Variants in CUX1 observed in about 807,000 individuals in gnomAD.
CUX1 encodes cut like homeobox 1.
Under a neutral mutation model 158.8 loss-of-function variants are expected in CUX1, and 31 were observed. That is an observed-to-expected ratio of 0.20 (90% CI 0.15 to 0.26). CUX1 has a LOEUF of 0.26. CUX1 is among the 10% of genes least tolerant of loss of function. CUX1 has a pLI of 1.00. For missense variants in CUX1, 1,589 were observed against 2,014.6 expected (o/e 0.79, Z 4.04); for synonymous variants, 879 against 862.1 (o/e 1.02, Z -0.34).
chr7:102,263,521 G>A (rs1190062838), intron 14 of CUX1, among the ~76,000 whole-genome samples: 1 of 151,738 alleles, frequency 6.6e-6, no homozygotes, highest in Non-Finnish European at 1.5e-5. Context: ...TCATCATGTT[G>A]TCCATTCTGG....
chr7:102,067,838 G>A (rs575422028), intron 3 of CUX1, among the ~76,000 whole-genome samples: 9 of 127,144 alleles, frequency 7.1e-5, no homozygotes, highest in African/African-American at 1.9e-4. Flanking sequence ...CCAACATGAC[G>A]AAACCCCGTC....
intron 3 of CUX1, among the ~76,000 whole-genome samples, chr7:102,066,588 A>G (rs1164393423): frequency 6.6e-6 from 1 of 152,162 alleles, no homozygotes; most frequent in East Asian, 1.9e-4. Flanking sequence ...CTGAGTCGGA[A>G]TACCTCGGAA....
chr7:102,276,360 G>A (rs1294328728), intron 17 of CUX1, among the ~76,000 whole-genome samples: 1 of 152,178 alleles, frequency 6.6e-6, no homozygotes, highest in African/African-American at 2.4e-5. Flanking sequence ...GGAGTGCAGT[G>A]GCACAATCCT....
intron 1 of CUX1, among the ~76,000 whole-genome samples, chr7:101,823,751 T>G (rs578029676): frequency 6.6e-6 from 1 of 152,324 alleles, no homozygotes; most frequent in South Asian, 2.1e-4. Flanking sequence ...TGTTCCGAGT[T>G]TGGTTAAGGG....
chr7:102,283,152 C>G (rs1252765783), exon 23 of CUX1: 4 of 1,349,094 alleles, frequency 3.0e-6, no homozygotes, highest in Middle Eastern at 1.8e-4. Flanking sequence ...CTCAGTGCAT[C>G]TAATCACTTA....
chr7:102,206,742 C>T (rs911830432), intron 20 of CUX1, among the ~76,000 whole-genome samples: 1 of 152,164 alleles, frequency 6.6e-6, no homozygotes, highest in East Asian at 1.9e-4. Context: ...ACTAAAGATA[C>T]AAAAAAATTA....
intron 2 of CUX1, among the ~76,000 whole-genome samples, chr7:101,958,087 A>G (rs188366863): frequency 4.6e-5 from 7 of 152,282 alleles, no homozygotes; most frequent in Non-Finnish European, 7.4e-5. Context: ...TTTCTGGAAT[A>G]CTTGCTGTTA....
rs1213243274 is a variant in CUX1 at position 102,249,202 on chromosome 7, C to G, written c.*160C>G. The stretch of plus-strand genomic sequence containing the variant: ...CGCAGCCCAGACCCCCTCCACGGTC[C>G]GCGGCCTGCACCGACCCGAGGCCCA... On this transcript the variant is annotated 3_prime_UTR_variant, in exon 24 of 24. Coordinates refer to ENST00000292535, the MANE Select transcript of CUX1 (RefSeq NM_181552.4). The G allele has an allele frequency of 1.8e-6, 2 of 1,119,954 alleles. No homozygotes were observed. The highest frequency in any genetic ancestry group is 2.2e-6 in the Non-Finnish European group (2 of 915,498). The allele number at this position is 1,119,954 out of a possible 1,614,324, so 69.4% of individuals were successfully genotyped here.
intron 1 of CUX1, among the ~76,000 whole-genome samples, chr7:101,820,739 A>C (rs1792374701): frequency 6.6e-6 from 1 of 152,224 alleles, no homozygotes; most frequent in Admixed American, 6.5e-5. Flanking sequence ...TAACATATTT[A>C]AAATGTTCAC....
chr7:102,266,954 G>T (rs1790853210), intron 14 of CUX1, among the ~76,000 whole-genome samples: 1 of 152,172 alleles, frequency 6.6e-6, no homozygotes, highest in Non-Finnish European at 1.5e-5. Context: ...GTACATGCCT[G>T]CTAGGAGAAC....
intron 20 of CUX1, among the ~76,000 whole-genome samples, chr7:102,220,962 C>T (rs782569552): frequency 5.9e-5 from 9 of 152,264 alleles, no homozygotes; most frequent in Non-Finnish European, 1.2e-4. Flanking sequence ...CTGCCCACCT[C>T]GGCCTCCCAA....
intron 20 of CUX1, among the ~76,000 whole-genome samples, chr7:102,209,344 T>G (rs751792228): frequency 2.0e-5 from 3 of 152,244 alleles, no homozygotes; most frequent in Non-Finnish European, 4.4e-5. Context: ...GGTGACGGGC[T>G]TGGGCATTAA....
At position 102,248,609 on chromosome 7, in the gene CUX1, A is replaced by C. The variant is rs1554537926; in HGVS notation, c.4085A>C (p.Glu1362Ala). 6.9e-7 allele frequency: 1 copy of C among 1,448,062 alleles called. No homozygotes were observed. The highest frequency in any genetic ancestry group is 9.0e-7 in the Non-Finnish European group (1 of 1,105,342). 89.7% of individuals were successfully genotyped at this position (1,448,062 alleles called of 1,614,324 possible). A position where few individuals can be genotyped will look rare whatever the true frequency, so the allele number is the denominator to read the frequency against. Residue 1362 changes from glutamate (E) to alanine (A), a missense_variant, in exon 24 of 24, where the codon GAG (glutamate) becomes GCG (alanine). Glu to Ala is a moderately radical substitution (Grantham distance 107, BLOSUM62 -1). Around this residue, in one of 8 missense-constraint regions of CUX1, gnomAD observed 344 missense variants for 323.7 expected, o/e 1.06. Coordinates refer to ENST00000292535, the MANE Select transcript of CUX1 (RefSeq NM_181552.4). This position sits in a 1 kb window ranked among gnomAD's most constrained non-coding sequence, Gnocchi z 5.8. ...GAGCCCAAGTCTCAGGGAGAGGCCG[A>C]GCGGGAGGAGGTGCCGCGGCCGGCG... ...TEEPKSQGEA[E>A]REEVPRPAEQ...
At chr7:101,927,534 C>T (rs1349666637) in intron 2 of CUX1, among the ~76,000 whole-genome samples, 4 of 152,208 alleles carry the variant, frequency 2.6e-5, no homozygotes, top group African/African-American at 9.6e-5. Flanking sequence ...TGGTGCATAC[C>T]TGTAATTCAG....
At chr7:102,159,288 C>T (rs1372674846) in intron 9 of CUX1, among the ~76,000 whole-genome samples, 2 of 152,218 alleles carry the variant, frequency 1.3e-5, no homozygotes, top group African/African-American at 2.4e-5. Flanking sequence ...GCCACGTTCT[C>T]ATGGGTCGCA....
chr7:102,279,902 C>T lies in CUX1; in HGVS notation c.1681-135C>T, dbSNP rs533282417. On this transcript the variant is annotated intron_variant, in intron 18 of 22. Transcript: ENST00000292538. Reference sequence around the variant, plus strand: ...TTGTCACCCCAGCACCCTCTCCTCCCGCCTCTGAGATCTAGGGCTCCCTCC... The same window carrying T: ...TTGTCACCCCAGCACCCTCTCCTCCTGCCTCTGAGATCTAGGGCTCCCTCC... 151 of 652,000 alleles carry T rather than the reference C, an allele frequency of 2.3e-4. 2 individuals are homozygous for T. In the East Asian group the frequency reaches 3.3e-3, roughly 14 times the overall value. The allele number at this position is 652,000 out of a possible 1,614,324, so 40.4% of individuals were successfully genotyped here.
At chr7:102,006,964 T>A (rs182982371) in intron 2 of CUX1, among the ~76,000 whole-genome samples, 1 of 152,160 alleles carries the variant, frequency 6.6e-6, no homozygotes, top group Non-Finnish European at 1.5e-5. Flanking sequence ...TCTTGTAGAT[T>A]TCGCCAGCGC....
chr7:102,019,897 C>T (rs956225383), intron 2 of CUX1, among the ~76,000 whole-genome samples: 1 of 152,146 alleles, frequency 6.6e-6, no homozygotes, highest in Non-Finnish European at 1.5e-5. Context: ...ACAAAAGCAG[C>T]GTGGCGGGTT....
intron 2 of CUX1, among the ~76,000 whole-genome samples, chr7:102,027,488 T>C (rs1434208838): frequency 6.6e-6 from 1 of 152,144 alleles, no homozygotes; most frequent in Non-Finnish European, 1.5e-5. Context: ...ATTATCTCAC[T>C]TAGACTGACA....
Sources: allele counts gnomAD v4.1 joint callset (sites outside exome capture counted in the v4.1 genomes callset), GRCh38; gene constraint gnomAD v4.1.1; regional missense constraint gnomAD v4.1.1; non-coding constraint Gnocchi (gnomAD v3.1); transcripts MANE v1.5; gene names NCBI Gene and HGNC (gene_info 2026-07-23, HGNC 2026-07-21).